The following ZNF17 variants were observed in gnomAD, a reference collection of about 807,000 sequenced individuals.
The protein encoded by ZNF17 is zinc finger protein 17.
Under a neutral mutation model 7.7 loss-of-function variants are expected in ZNF17, and 4 were observed. That is an observed-to-expected ratio of 0.52 (90% confidence interval 0.26 to 1.20). The LOEUF (loss-of-function observed/expected upper bound fraction) is 1.20. Ranked by LOEUF, ZNF17 falls within the 50% of genes most tolerant of loss-of-function variation. The probability of loss-of-function intolerance (pLI) is 0.14; values close to 1 mark genes in which losing one functional copy is unlikely to be tolerated. For synonymous variants in ZNF17, 249 were observed against 258.8 expected, an observed-to-expected ratio of 0.96 and a Z score of 0.36; for missense variants, 738 against 799.5, an observed-to-expected ratio of 0.92 and a Z score of 0.93.
At position 57,419,851 on chromosome 19, in the gene ZNF17, A is replaced by G. The variant is rs201298548; in HGVS notation, c.365A>G (p.His122Arg). 2.8e-4 allele frequency: 457 copies of G among 1,614,106 alleles called. No individual in the cohort carries two copies. The highest frequency in any genetic ancestry group is 3.8e-4 in the Non-Finnish European group (445 of 1,180,044). The part of the protein sequence containing the change: ...TAKLYLHQKE[H>R]LREKLTRSDE... The stretch of plus-strand genomic sequence containing the variant: ...AAGCTTTACCTGCACCAAAAGGAGC[A>G]TCTTAGAGAGAAGCTCACCAGAAGT... Residue 122 changes from histidine (H) to arginine (R), a missense_variant, in exon 4 of 4, where the codon CAT (histidine) becomes CGT (arginine). His to Arg is a conservative substitution (Grantham distance 29). Transcript: ENST00000307658.
At chr19:57,417,701 G>A (rs183508776) in intron 2 of ZNF17, among the ~76,000 whole-genome samples, 37 of 151,986 alleles carry the variant, frequency 2.4e-4, no homozygotes, top group African/African-American at 8.9e-4. Flanking sequence ...ACAAAAATTA[G>A]CCAGTCATGG....
chr19:57,419,819 T>C lies in ZNF17; in HGVS notation c.333T>C (p.Arg111=). ...LAEHDGTHPK[R]TAKLYLHQKE... Reference sequence around the variant, plus strand: ...AGCATGACGGAACACACCCCAAGCGTACAGCCAAGCTTTACCTGCACCAAA... The same window carrying C: ...AGCATGACGGAACACACCCCAAGCGCACAGCCAAGCTTTACCTGCACCAAA... The change falls in exon 4 of 4, where the codon CGT becomes CGC. Residue 111 remains arginine (R), a synonymous_variant. Coordinates refer to ENST00000307658, the MANE Select transcript of ZNF17 (RefSeq NM_001330617.2). 6.2e-7 allele frequency: 1 copy of C among 1,614,156 alleles called. No individual in the cohort carries two copies. The highest frequency in any genetic ancestry group is 8.5e-7 in the Non-Finnish European group (1 of 1,180,024).
rs2088839504 is a variant in ZNF17 at position 57,420,219 on chromosome 19, G to C, written c.733G>C (p.Glu245Gln). The stretch of plus-strand genomic sequence containing the variant: ...TAAACATCAGCGAAATCATACTGGA[G>C]AAAGGCCTTATAAGTGTAGTGAATG... ...LIKHQRNHTG[E>Q]RPYKCSECGK... The change falls in exon 4 of 4, where the codon GAA becomes CAA. Residue 245 changes from glutamate to glutamine, a missense_variant. Physicochemically the swap from Glu to Gln is conservative, Grantham distance 29. This residue lies in a region of ZNF17 where 616 missense variants were observed against 663.9 expected (regional missense o/e 0.93). Transcript: ENST00000307658. 12 of 1,613,772 alleles carry C rather than the reference G, an allele frequency of 7.4e-6. No individual in the cohort carries two copies. The highest frequency in any genetic ancestry group is 1.0e-5 in the Non-Finnish European group (12 of 1,179,684).
chr19:57,418,535 C>T (rs2088826055), intron 3 of ZNF17, among the ~76,000 whole-genome samples: 1 of 152,172 alleles, frequency 6.6e-6, no homozygotes, highest in Non-Finnish European at 1.5e-5. Flanking sequence ...TTGACACCCT[C>T]CCTTTCCCTG....
intron 1 of ZNF17, chr19:57,411,714 G>T: frequency 7.9e-7 from 1 of 1,271,020 alleles, no homozygotes. Context: ...GGCTGTGCAG[G>T]AAGGGTTATG....
At position 57,420,086 on chromosome 19, in the gene ZNF17, C is replaced by G; in HGVS notation, c.600C>G (p.Asp200Glu). ...NNYSCTQCGK[D>E]FCHQHTLFEH... ...ACAGCTGCACCCAATGTGGGAAAGA[C>G]TTTTGCCACCAACATACACTGTTTG... The change falls in exon 4 of 4, where the codon GAC becomes GAG. Residue 200 changes from aspartate to glutamate, a missense_variant. Physicochemically the swap from Asp to Glu is conservative, Grantham distance 45. This residue lies in a region of ZNF17 where 616 missense variants were observed against 663.9 expected (regional missense o/e 0.93). Transcript: ENST00000307658. 1 of 1,614,228 alleles carries G rather than the reference C, an allele frequency of 6.2e-7. No individual in the cohort carries two copies. Among genetic ancestry groups the G allele is most frequent in the Non-Finnish European group, 8.5e-7 (1 of 1,180,040 alleles).
In ZNF17 at chr19:57,411,489, C is replaced by A. The variant is rs1176930173; in HGVS notation, c.-21+83C>A. The A allele has an allele frequency of 1.9e-6, 3 of 1,559,514 alleles. No individual in the cohort carries two copies. The African/African-American group carries it at 4.0e-5, about 21-fold the overall frequency. Reference sequence around the variant, plus strand: ...GAGGAGGGGCCCTGCAGGTCAGGCCCCTGTGTCCCAAAGAGAGGAGCGTTC... The same window carrying A: ...GAGGAGGGGCCCTGCAGGTCAGGCCACTGTGTCCCAAAGAGAGGAGCGTTC... On this transcript the variant is annotated intron_variant, in intron 1 of 3. Coordinates refer to ENST00000307658, the MANE Select transcript of ZNF17 (RefSeq NM_001330617.2).
intron 2 of ZNF17, among the ~76,000 whole-genome samples, chr19:57,417,251 A>G (rs1011310214): frequency 2.0e-5 from 3 of 152,150 alleles, no homozygotes; most frequent in African/African-American, 7.2e-5. Context: ...AAGGGAGAGC[A>G]TATATCAGTG....
At chr19:57,411,432 C>T (rs760231023) in intron 1 of ZNF17, 26 bp downstream of exon 1, 1 of 1,608,036 alleles carries the variant, frequency 6.2e-7, no homozygotes, top group South Asian at 1.1e-5. Context: ...CAGGGCGCCC[C>T]GCCCGATCCC....
In ZNF17 at chr19:57,411,382, G is replaced by C; in HGVS notation, c.-45G>C. 1.2e-6 allele frequency: 2 copies of C among 1,612,624 alleles called. No individual in the cohort carries two copies. Among genetic ancestry groups the C allele is most frequent in the Non-Finnish European group, 1.7e-6 (2 of 1,179,498 alleles). ...GCTCTTCCCTGGCTGTGCTGGCGGA[G>C]GCTGCGCCGATGAACCTGACTGAGG... is the stretch of plus-strand genomic sequence containing the variant. On this transcript the variant is annotated 5_prime_UTR_variant, in exon 1 of 4. Coordinates refer to ENST00000307658, the MANE Select transcript of ZNF17 (RefSeq NM_001330617.2).
chr19:57,420,344 TAGAA>T lies in ZNF17; in HGVS notation c.861_864del (p.Arg287SerfsTer172). On this transcript the variant is annotated frameshift_variant, in exon 4 of 4. Coordinates refer to ENST00000307658, the MANE Select transcript of ZNF17 (RefSeq NM_001330617.2). LOFTEE classifies it low-confidence loss of function (END_TRUNC). Reference sequence around the variant, plus strand: ...GCAGTGAATGTGGGAAAGCTTTTCTTAGAAAGTCTCACCTACTTCAGCACCAGAG... The same window carrying T: ...GCAGTGAATGTGGGAAAGCTTTTCTTAGTCTCACCTACTTCAGCACCAGAG... The T allele has an allele frequency of 6.2e-7, 1 of 1,612,180 alleles. No individual in the cohort carries two copies. The highest frequency in any genetic ancestry group is 8.5e-7 in the Non-Finnish European group (1 of 1,179,476).
At position 57,419,667 on chromosome 19, in the gene ZNF17, C is replaced by T; in HGVS notation, c.181C>T (p.Pro61Ser). ...GCATGGAGCCAAGGATGAGGAGGCA[C>T]CTTCCAAGCAATGTGTTTCTGTAGG... ...CWHGAKDEEA[P>S]SKQCVSVGVS... The change falls in exon 4 of 4, where the codon CCT (proline) becomes TCT (serine). Residue 61 changes from proline to serine, a missense_variant. By Grantham distance (74) the Pro-to-Ser change is moderately conservative (BLOSUM62 -1). Transcript: ENST00000307658. 1.2e-6 allele frequency: 2 copies of T among 1,613,716 alleles called. No individual in the cohort carries two copies. The highest frequency in any genetic ancestry group is 1.7e-6 in the Non-Finnish European group (2 of 1,179,690).
chr19:57,415,060 A>G (rs2088803163), intron 2 of ZNF17, among the ~76,000 whole-genome samples: 1 of 152,156 alleles, frequency 6.6e-6, no homozygotes, highest in Non-Finnish European at 1.5e-5. Flanking sequence ...AATGGAGGAC[A>G]GAGTGAGAGT....
chr19:57,420,520 C>G lies in ZNF17; in HGVS notation c.1034C>G (p.Ser345Ter). 1 of 1,613,936 alleles carries G rather than the reference C, an allele frequency of 6.2e-7. No individual in the cohort carries two copies. The highest frequency in any genetic ancestry group is 1.1e-5 in the South Asian group (1 of 91,054). Residue 345 changes from serine (S) to a stop codon, truncating the protein, a stop_gained, in exon 4 of 4, where the codon TCA becomes TGA. Transcript: ENST00000307658. LOFTEE classifies it low-confidence loss of function (END_TRUNC). ...TGTGGGAAATACTTTATGTACAGTT[C>G]AGCACTCATTAGACATCAGAAAGTT... ...NECGKYFMYS[S>*]ALIRHQKVHT...
At chr19:57,416,490 C>T (rs2088812145) in intron 2 of ZNF17, among the ~76,000 whole-genome samples, 1 of 150,936 alleles carries the variant, frequency 6.6e-6, no homozygotes, top group African/African-American at 2.4e-5. Context: ...AGGTAGGCCC[C>T]CATGTGCCAG....
chr19:57,413,746 G>A (rs1358222414), intron 2 of ZNF17, 110 bp downstream of exon 2: 18 of 1,343,682 alleles, frequency 1.3e-5, no homozygotes, highest in Admixed American at 5.9e-5. Flanking sequence ...TCTCCCTTGG[G>A]TCCAAGGAGA....
Position 57,420,900 on chromosome 19 carries a change from T to C in ZNF17, c.1414T>C (p.Tyr472His). 6.2e-7 allele frequency: 1 copy of C among 1,614,152 alleles called. No individual in the cohort carries two copies. Among genetic ancestry groups the C allele is most frequent in the Non-Finnish European group, 8.5e-7 (1 of 1,179,996 alleles). Residue 472 changes from tyrosine (Y) to histidine (H), a missense_variant, in exon 4 of 4, where the codon TAT (tyrosine) becomes CAT (histidine). Tyr to His is a moderately conservative substitution (Grantham distance 83). Coordinates refer to ENST00000307658, the MANE Select transcript of ZNF17 (RefSeq NM_001330617.2). The stretch of plus-strand genomic sequence containing the variant: ...GAGAGTTCACTCTGGAGAGAGGCCT[T>C]ATGAATGCAGTGAATGTGGCAAATT... ...HQRVHSGERP[Y>H]ECSECGKFFV...
chr19:57,420,435 G>A lies in ZNF17; in HGVS notation c.949G>A (p.Ala317Thr), dbSNP rs1456289057. Residue 317 changes from alanine to threonine, a missense_variant, in exon 4 of 4, where the codon GCT becomes ACT. By Grantham distance (58) the Ala-to-Thr change is moderately conservative. Transcript: ENST00000307658. ...SECGKAFLTQAHLVGHQKIHT... is the reference protein window; with the variant it reads ...SECGKAFLTQTHLVGHQKIHT... ...ATGTGGGAAGGCCTTCCTTACACAG[G>A]CTCACCTTGTTGGTCACCAGAAAAT... is the stretch of plus-strand genomic sequence containing the variant. 6.2e-7 allele frequency: 1 copy of A among 1,613,606 alleles called. No individual in the cohort carries two copies. Among genetic ancestry groups the A allele is most frequent in the Non-Finnish European group, 8.5e-7 (1 of 1,179,882 alleles).
intron 2 of ZNF17, among the ~76,000 whole-genome samples, chr19:57,417,705 G>A (rs2088819821): frequency 6.6e-6 from 1 of 151,946 alleles, no homozygotes; most frequent in Admixed American, 6.6e-5. Flanking sequence ...AAATTAGCCA[G>A]TCATGGTGGC....
Sources: allele counts gnomAD v4.1 joint callset (sites outside exome capture counted in the v4.1 genomes callset), GRCh38; gene constraint gnomAD v4.1.1; regional missense constraint gnomAD v4.1.1; transcripts MANE v1.5; gene names NCBI Gene and HGNC (gene_info 2026-07-23, HGNC 2026-07-21).